BTAF1: variants seen among roughly 807,000 people sequenced by gnomAD.
The protein encoded by BTAF1 is TATA-binding protein-associated factor 172.
BTAF1 carries 38 observed loss-of-function variants against 227.1 expected under a neutral mutation model. The ratio of observed to expected loss-of-function variants is 0.17; its 90% CI spans 0.13 to 0.22. The LOEUF (loss-of-function observed/expected upper bound fraction) is 0.22. Among genes scored for constraint, BTAF1 ranks in the 10% least tolerant of loss-of-function variants. The pLI, the probability that BTAF1 is intolerant of heterozygous loss-of-function variation, is 1.00. For missense variants in BTAF1, 1,598 were observed against 2,204.0 expected (o/e 0.73, Z 5.51); for synonymous variants, 742 against 751.9 (o/e 0.99, Z 0.21).
chr10:91,994,468 A>G, intron 22 of BTAF1, 67 bp from the exon 23 acceptor site: 1 of 1,225,796 alleles, frequency 8.2e-7, no homozygotes, highest in South Asian at 1.3e-5. Flanking sequence ...AAAGTGCTAA[A>G]AGTTTTTGTG....
At position 91,991,265 on chromosome 10, in the gene BTAF1, AATATAAATATAT is replaced by A. The variant is rs1317095521; in HGVS notation, c.2855-848_2855-837del. 1.1e-4 allele frequency among the ~76,000 whole-genome samples: 10 copies of A among 90,074 alleles called. No individual in the cohort carries two copies. In the Admixed American group the frequency reaches 1.2e-3, roughly 11 times the overall value. The allele number at this position is 90,074 out of a possible 152,430, so 59.1% of individuals were successfully genotyped here. A position where few individuals can be genotyped will look rare whatever the true frequency, so the allele number is the denominator to read the frequency against. ...CGTCTCAAAAAAATATATAAATATA[AATATAAATATAT>A]ATATATATATATATAAATTATCCGG... On this transcript the variant is annotated intron_variant, in intron 20 of 37. Coordinates refer to ENST00000265990, the MANE Select transcript of BTAF1 (RefSeq NM_003972.3).
chr10:91,986,897 C>T (rs2134003126), intron 19 of BTAF1, among the ~76,000 whole-genome samples: 2 of 151,988 alleles, frequency 1.3e-5, no homozygotes, highest in South Asian at 4.1e-4. Context: ...TCAAAGGAGC[C>T]ACTGCCTTTT....
chr10:91,933,482 C>T lies in BTAF1; in HGVS notation c.15-2175C>T, dbSNP rs188590522. Among the ~76,000 whole-genome samples, 631 of 152,178 alleles carry T rather than the reference C, an allele frequency of 4.1e-3. 3 individuals carry two copies. The highest frequency in any genetic ancestry group is 0.015 in the South Asian group (72 of 4,822). On this transcript the variant is annotated intron_variant, in intron 1 of 37. Coordinates refer to ENST00000265990, the MANE Select transcript of BTAF1 (RefSeq NM_003972.3). ...TGAATATGAGTATTCTCCCGATATT[C>T]ATATTAAGAGTATTAAGAATAGGAG...
intron 33 of BTAF1, among the ~76,000 whole-genome samples, chr10:92,018,333 G>T (rs1012665632): frequency 2.0e-5 from 3 of 151,992 alleles, no homozygotes; most frequent in Non-Finnish European, 4.4e-5. Context: ...CACCCACCTC[G>T]GCCTCCCAAA....
chr10:92,014,123 TTTGGC>T (rs1850544492), intron 32 of BTAF1, 94 bp downstream of exon 32: 1 of 1,345,370 alleles, frequency 7.4e-7, no homozygotes, highest in Non-Finnish European at 1.0e-6. Flanking sequence ...GGGCTTAGCC[TTTGGC>T]TTTATCAGAT....
At chr10:91,980,012 T>C (rs956383800) in intron 14 of BTAF1, among the ~76,000 whole-genome samples, 2 of 152,208 alleles carry the variant, frequency 1.3e-5, no homozygotes, top group Non-Finnish European at 2.9e-5. Context: ...TTGGATATTA[T>C]AGTATAATTC....
At chr10:91,989,656 TA>T in intron 20 of BTAF1, 76 bp downstream of exon 20, 2 of 1,321,132 alleles carry the variant, frequency 1.5e-6, no homozygotes, top group Non-Finnish European at 2.1e-6. Flanking sequence ...GGGTATAATT[TA>T]AGCACAAATC....
intron 34 of BTAF1, 136 bp downstream of exon 34, chr10:92,019,071 T>C: frequency 1.1e-6 from 1 of 916,468 alleles, no homozygotes. Flanking sequence ...ATACAGCTTT[T>C]TGTAAAAATG....
intron 3 of BTAF1, among the ~76,000 whole-genome samples, chr10:91,941,470 T>A (rs1350726137): frequency 6.6e-6 from 1 of 152,232 alleles, no homozygotes; most frequent in Non-Finnish European, 1.5e-5. Context: ...TTAACATGTA[T>A]AACTTACAGC....
intron 19 of BTAF1, among the ~76,000 whole-genome samples, chr10:91,985,631 C>A (rs1419465552): frequency 2.6e-5 from 4 of 152,166 alleles, no homozygotes; most frequent in Non-Finnish European, 5.9e-5. Flanking sequence ...GGTTACTCCA[C>A]ATCATCAATA....
intron 14 of BTAF1, among the ~76,000 whole-genome samples, chr10:91,979,753 T>G (rs1456093830): frequency 6.6e-6 from 1 of 152,160 alleles, no homozygotes; most frequent in Admixed American, 6.5e-5. Context: ...AGATATTTGG[T>G]GAAGCACTAT....
intron 30 of BTAF1, among the ~76,000 whole-genome samples, chr10:92,012,291 G>A (rs1250690031): frequency 2.9e-5 from 1 of 34,664 alleles, no homozygotes; most frequent in African/African-American, 1.3e-4. Context: ...CTGTCACCCA[G>A]GCTGGAGTAC....
At chr10:92,008,049 T>G in intron 25 of BTAF1, 74 bp from the exon 26 acceptor site, 1 of 1,317,138 alleles carries the variant, frequency 7.6e-7, no homozygotes, top group Non-Finnish European at 1.0e-6. Flanking sequence ...TGTGTGTTTG[T>G]TTTGTGTTTA....
At chr10:91,987,344 G>A (rs1000604271) in intron 19 of BTAF1, among the ~76,000 whole-genome samples, 6 of 152,108 alleles carry the variant, frequency 3.9e-5, no homozygotes, top group Admixed American at 2.6e-4. Flanking sequence ...TTAGCCGGGC[G>A]TGGTGGTGGG....
intron 14 of BTAF1, among the ~76,000 whole-genome samples, chr10:91,978,415 C>T (rs1847836369): frequency 6.6e-6 from 1 of 152,086 alleles, no homozygotes; most frequent in Non-Finnish European, 1.5e-5. Flanking sequence ...AATTAAGAGA[C>T]ATTATGGAAG....
chr10:91,951,546 T>A lies in BTAF1; in HGVS notation c.544T>A (p.Ser182Thr), dbSNP rs754109070. The A allele has an allele frequency of 8.7e-6, 14 of 1,602,436 alleles. No individual in the cohort carries two copies. The East Asian group carries it at 2.9e-4, about 33-fold the overall frequency. Residue 182 changes from serine (S) to threonine (T), a missense_variant, in exon 5 of 38, where the codon TCC becomes ACC. Physicochemically the swap from Ser to Thr is moderately conservative, Grantham distance 58. Coordinates refer to ENST00000265990, the MANE Select transcript of BTAF1 (RefSeq NM_003972.3). ...EDLDYTPTSA[S>T]FVNKQPTLQA... ...TTTGGATTATACCCCAACTTCAGCA[T>A]CCTTTGTTAACAAACAACCTGTAGG... is the stretch of plus-strand genomic sequence containing the variant.
At chr10:91,928,258 G>A (rs1303514960) in intron 1 of BTAF1, among the ~76,000 whole-genome samples, 1 of 152,102 alleles carries the variant, frequency 6.6e-6, no homozygotes, top group Non-Finnish European at 1.5e-5. Flanking sequence ...TTGTAAGAAT[G>A]TGGCAGATTA....
At chr10:91,979,449 A>T (rs776176352) in intron 14 of BTAF1, among the ~76,000 whole-genome samples, 4 of 152,148 alleles carry the variant, frequency 2.6e-5, no homozygotes, top group Non-Finnish European at 4.4e-5. Context: ...CCCTGGTCCT[A>T]CCTTTGTCAT....
chr10:91,957,219 A>AT lies in BTAF1; in HGVS notation c.832-4dup. The AT allele has an allele frequency of 1.9e-6, 3 of 1,611,504 alleles. No individual in the cohort carries two copies. The South Asian group carries it at 3.3e-5, about 18-fold the overall frequency. The stretch of plus-strand genomic sequence containing the variant: ...AACTAGTAGTAATTCTGTTTTTCTT[A>AT]TTCAGACAAATGAATGGCCTTTGGA... On this transcript the variant is annotated splice_polypyrimidine_tract_variant and splice_region_variant and intron_variant, in intron 7 of 37. Coordinates refer to ENST00000265990, the MANE Select transcript of BTAF1 (RefSeq NM_003972.3).
Sources: allele counts gnomAD v4.1 joint callset (sites outside exome capture counted in the v4.1 genomes callset), GRCh38; gene constraint gnomAD v4.1.1; transcripts MANE v1.5; gene names NCBI Gene and HGNC (gene_info 2026-07-23, HGNC 2026-07-21).